Variants in ATF3 observed in about 807,000 individuals in gnomAD.
ATF3 encodes the protein cyclic AMP-dependent transcription factor ATF-3.
ATF3 carries 10 observed loss-of-function variants against 18.4 expected under a neutral mutation model. The observed-to-expected ratio is 0.54, with a 90% CI of 0.34 to 0.92. ATF3 has a LOEUF of 0.92. Ranked by LOEUF, ATF3 falls within the 40% of genes least tolerant of loss-of-function variation. The probability of loss-of-function intolerance (pLI) is 0.02; values close to 1 mark genes in which losing one functional copy is unlikely to be tolerated. For missense variants in ATF3, 183 were observed against 222.3 expected (o/e 0.82, Z 1.12); for synonymous variants, 78 against 87.9 (o/e 0.89, Z 0.63).
intron 1 of ATF3, among the ~76,000 whole-genome samples, chr1:212,596,979 C>G (rs917772488): frequency 3.3e-5 from 5 of 152,228 alleles, no homozygotes; most frequent in African/African-American, 9.7e-5. Context: ...GCCAGGCATA[C>G]AGTAGGCACT....
At chr1:212,567,857 G>A (rs1293094219) in intron 1 of ATF3, among the ~76,000 whole-genome samples, 1 of 152,178 alleles carries the variant, frequency 6.6e-6, no homozygotes, top group East Asian at 1.9e-4. Flanking sequence ...GGAGTGCAGT[G>A]TGCCAAGTAT....
At position 212,567,986 on chromosome 1, in the gene ATF3, T is replaced by A. The variant is rs114838270; in HGVS notation, c.-5+2503T>A. Among the ~76,000 whole-genome samples the A allele has an allele frequency of 8.9e-3, 1,354 of 152,336 alleles. 23 individuals carry two copies. The highest frequency in any genetic ancestry group is 0.032 in the African/African-American group (1,315 of 41,566). On this transcript the variant is annotated intron_variant, in intron 1 of 3. Transcript: ENST00000366981. ...ATATTAATAACACTTTCTTTGCCTA[T>A]GTCAGAAGAAGAGCCTTGAACTTTT...
At chr1:212,594,399 GAAAC>G (rs71757767) in intron 1 of ATF3, among the ~76,000 whole-genome samples, 40,819 of 151,874 alleles carry the variant, frequency 0.27, 6,057 homozygotes, top group African/African-American at 0.41. Context: ...GACTATGAAT[GAAAC>G]AAACAAACAA....
chr1:212,618,483 G>A lies in ATF3; in HGVS notation c.348+249G>A, dbSNP rs1296608033. 12 of 522,996 alleles carry A rather than the reference G, an allele frequency of 2.3e-5. 1 individual carries two copies. Among genetic ancestry groups the A allele is most frequent in the African/African-American group, 9.5e-5 (5 of 52,362 alleles). The allele number at this position is 522,996 out of a possible 1,614,324, so 32.4% of individuals were successfully genotyped here. The stretch of plus-strand genomic sequence containing the variant: ...CTGATGCCTGACTCCCAGCAGCCTC[G>A]GCCGGTTCATACATGTCCATCAGCT... On this transcript the variant is annotated intron_variant, in intron 3 of 3. Transcript: ENST00000341491. The surrounding 1 kb of genome is among the most constrained non-coding windows in gnomAD (Gnocchi z 4.4).
intron 1 of ATF3, among the ~76,000 whole-genome samples, chr1:212,610,376 G>T (rs1654846656): frequency 6.6e-6 from 1 of 152,194 alleles, no homozygotes; most frequent in East Asian, 1.9e-4. Context: ...GTAACTTAAA[G>T]TGAAGGCAAA....
upstream of ATF3, among the ~76,000 whole-genome samples, chr1:212,607,011 AATCGGTTCAG>A (rs1654647036): frequency 6.6e-6 from 1 of 152,046 alleles, no homozygotes; most frequent in African/African-American, 2.4e-5. Flanking sequence ...CGCCGCTGGA[AATCGGTTCAG>A]GTCCAGAGCA....
intron 1 of ATF3, among the ~76,000 whole-genome samples, chr1:212,567,306 T>C (rs1208280612): frequency 1.3e-5 from 2 of 152,198 alleles, no homozygotes; most frequent in Non-Finnish European, 2.9e-5. Context: ...ATTTTCAAAC[T>C]ATGAGTAATG....
chr1:212,566,745 G>T (rs986917261), intron 1 of ATF3, among the ~76,000 whole-genome samples: 2 of 152,214 alleles, frequency 1.3e-5, no homozygotes, highest in African/African-American at 2.4e-5. Context: ...TGCTGCTGGA[G>T]CAAAGCACGC....
intron 1 of ATF3, among the ~76,000 whole-genome samples, chr1:212,590,013 T>G (rs1664852288): frequency 6.6e-6 from 1 of 152,118 alleles, no homozygotes; most frequent in Non-Finnish European, 1.5e-5. Context: ...TTTCTCAAGT[T>G]AGTTATAGGA....
In ATF3 at chr1:212,592,411, C is replaced by T. The variant is rs191891899; in HGVS notation, c.-4-22607C>T. 3.6e-3 allele frequency among the ~76,000 whole-genome samples: 545 copies of T among 151,252 alleles called. 4 individuals carry two copies. The highest frequency in any genetic ancestry group is 0.013 in the African/African-American group (525 of 40,958). On this transcript the variant is annotated intron_variant, in intron 1 of 3. Coordinates refer to the ATF3 transcript ENST00000366981. ...CATCGAATTAGCTAATCTATGTTCA[C>T]GTTTCCAAAAGTATGTCTTTAAATG...
intron 1 of ATF3, among the ~76,000 whole-genome samples, chr1:212,577,671 G>A (rs977428978): frequency 1.3e-5 from 2 of 151,538 alleles, no homozygotes; most frequent in East Asian, 1.9e-4. Context: ...GTGAGATCAC[G>A]TAGTATTTGT....
chr1:212,620,005 C>A lies in ATF3; in HGVS notation c.*450C>A. On this transcript the variant is annotated 3_prime_UTR_variant, in exon 4 of 4. Coordinates refer to ENST00000341491, the MANE Select transcript of ATF3 (RefSeq NM_001674.4). ...AACAGCATTTAGTGAAGTTGTGCAA[C>A]GGCCAGGGTTGTGCTTTCTAGCAAA... The A allele has an allele frequency of 4.6e-6, 1 of 217,632 alleles. No individual in the cohort carries two copies. The highest frequency in any genetic ancestry group is 9.4e-6 in the Non-Finnish European group (1 of 106,508). The allele number at this position is 217,632 out of a possible 1,614,324, so 13.5% of individuals were successfully genotyped here.
At chr1:212,587,580 C>T (rs902841646) in intron 1 of ATF3, among the ~76,000 whole-genome samples, 21 of 152,120 alleles carry the variant, frequency 1.4e-4, no homozygotes, top group African/African-American at 3.4e-4. Flanking sequence ...TTTGCTAACA[C>T]GGAAATACCC....
At chr1:212,578,295 T>A (rs1664618892) in intron 1 of ATF3, among the ~76,000 whole-genome samples, 1 of 152,264 alleles carries the variant, frequency 6.6e-6, no homozygotes, top group Admixed American at 6.5e-5. Flanking sequence ...AGAGTTGGTA[T>A]CTATGAGAAG....
intron 1 of ATF3, among the ~76,000 whole-genome samples, chr1:212,579,666 C>T (rs1363436749): frequency 1.3e-5 from 2 of 152,162 alleles, no homozygotes; most frequent in Non-Finnish European, 2.9e-5. Flanking sequence ...CTGCCCTTGC[C>T]TAGTTAAGTC....
chr1:212,588,548 T>A (rs757279685), intron 1 of ATF3, among the ~76,000 whole-genome samples: 13 of 152,176 alleles, frequency 8.5e-5, no homozygotes, highest in African/African-American at 1.7e-4. Context: ...TCTTTTTAAA[T>A]TTAAATTTAC....
Position 212,619,300 on chromosome 1 carries a change from A to AC in ATF3, c.349-53dup, listed in dbSNP as rs1483549141. 1.2e-6 allele frequency: 2 copies of AC among 1,611,424 alleles called. No homozygotes were observed. Among genetic ancestry groups the AC allele is most frequent in the Non-Finnish European group, 1.7e-6 (2 of 1,179,862 alleles). On this transcript the variant is annotated intron_variant, in intron 3 of 3. Coordinates refer to ENST00000341491, the MANE Select transcript of ATF3 (RefSeq NM_001674.4). The surrounding 1 kb of genome is among the most constrained non-coding windows in gnomAD (Gnocchi z 4.4). ...CTGCATCCAGGCAGCAGCCCAGGCC[A>AC]CCCCCTCCTCACTGGCCCTTGGCTC...
At chr1:212,602,433 C>T (rs934287603) in intron 1 of ATF3, among the ~76,000 whole-genome samples, 3 of 152,166 alleles carry the variant, frequency 2.0e-5, no homozygotes, top group African/African-American at 4.8e-5. Flanking sequence ...ACATTTTTCT[C>T]TGTAAGCTCA....
chr1:212,596,509 A>G (rs959113635), intron 1 of ATF3, among the ~76,000 whole-genome samples: 1 of 152,282 alleles, frequency 6.6e-6, no homozygotes, highest in Non-Finnish European at 1.5e-5. Flanking sequence ...AGAAACACAG[A>G]CAGTGACTCA....
Sources: gnomAD v4.1 joint callset for allele counts (sites outside exome capture counted in the v4.1 genomes callset) on GRCh38, gnomAD v4.1.1 for gene constraint, Gnocchi (gnomAD v3.1) non-coding constraint, MANE v1.5 for transcripts, NCBI Gene and HGNC (gene_info 2026-07-23, HGNC 2026-07-21) for gene names.